Variants in TCF7L2 observed in about 807,000 individuals in gnomAD.
TCF7L2 encodes transcription factor 7 like 2, also known as transcription factor 7-like 2.
In TCF7L2, 23 loss-of-function variants were observed where a neutral mutation model predicts 77.9. That is an observed-to-expected ratio of 0.30 (90% confidence interval 0.21 to 0.42). The LOEUF (loss-of-function observed/expected upper bound fraction) is 0.42. Ranked by LOEUF, TCF7L2 falls within the 10% of genes least tolerant of loss-of-function variation. The probability of loss-of-function intolerance (pLI) is 1.00; values close to 1 mark genes in which losing one functional copy is unlikely to be tolerated. For missense variants in TCF7L2, 654 were observed against 793.1 expected (o/e 0.82, Z 2.11); for synonymous variants, 413 against 340.2 (o/e 1.21, Z -2.36).
At chr10:113,040,158 T>G (rs748095431) in intron 5 of TCF7L2, 32 bp downstream of exon 5, 43 of 1,587,796 alleles carry the variant, frequency 2.7e-5, no homozygotes, top group Non-Finnish European at 3.6e-5. Context: ...ATGGCTTCCT[T>G]TATTGAGGGG....
intron 4 of TCF7L2, among the ~76,000 whole-genome samples, chr10:112,999,421 C>A (rs1053643808): frequency 5.9e-5 from 9 of 152,192 alleles, no homozygotes; most frequent in African/African-American, 1.7e-4. Context: ...ACGAGTCCTT[C>A]TTATTATATA....
chr10:112,996,282 A>T (rs4506565), intron 4 of TCF7L2, among the ~76,000 whole-genome samples: 50,956 of 152,052 alleles, frequency 0.34, 9,206 homozygotes, highest in African/African-American at 0.45. Flanking sequence ...CCGAAGTGAT[A>T]TGGGGCCCTT....
chr10:113,146,000 C>G lies in TCF7L2; in HGVS notation c.789-11C>G. ...GTTTCAAGTCTCTTACTTTGTACCC[C>G]TTCTTTGTAGGCAAGGTCAACCAGT... On this transcript the variant is annotated splice_polypyrimidine_tract_variant and intron_variant, in intron 7 of 13. Coordinates refer to ENST00000627217, the MANE Select transcript of TCF7L2 (RefSeq NM_001146274.2). 4 of 1,592,592 alleles carry G rather than the reference C, an allele frequency of 2.5e-6. No individual in the cohort carries two copies. The highest frequency in any genetic ancestry group is 3.4e-6 in the Non-Finnish European group (4 of 1,164,708).
intron 5 of TCF7L2, among the ~76,000 whole-genome samples, chr10:113,049,480 G>A (rs1293373660): frequency 1.3e-5 from 2 of 151,988 alleles, no homozygotes; most frequent in African/African-American, 4.8e-5. Flanking sequence ...CAAAGCGTGT[G>A]TGGCATCCAC....
chr10:113,160,116 A>C, intron 12 of TCF7L2, 124 bp downstream of exon 14: 2 of 829,794 alleles, frequency 2.4e-6, no homozygotes, highest in Non-Finnish European at 3.9e-6. Context: ...GGGGAGTGGG[A>C]CACTGCCAAG....
At chr10:113,083,237 C>G (rs1410477255) in intron 5 of TCF7L2, among the ~76,000 whole-genome samples, 2 of 145,384 alleles carry the variant, frequency 1.4e-5, no homozygotes, top group Non-Finnish European at 3.0e-5. Flanking sequence ...CTCTAGGACA[C>G]TGCCCTCCAC....
At chr10:112,977,232 A>C (rs1337142206) in intron 4 of TCF7L2, among the ~76,000 whole-genome samples, 1 of 152,190 alleles carries the variant, frequency 6.6e-6, no homozygotes, top group Non-Finnish European at 1.5e-5. Context: ...GAAATCTTCC[A>C]AGGCTTGAAA....
rs529568065 is a variant in TCF7L2 at position 112,951,451 on chromosome 10, G to C, written c.257-32G>C. Reference sequence around the variant, plus strand: ...TCACTCTCTCCCGCTCCGCGCGGCCGCCGCTGTCCCCTCGCCGCCCCGCCA... The same window carrying C: ...TCACTCTCTCCCGCTCCGCGCGGCCCCCGCTGTCCCCTCGCCGCCCCGCCA... On this transcript the variant is annotated intron_variant, in intron 2 of 13. Coordinates refer to ENST00000627217, the MANE Select transcript of TCF7L2 (RefSeq NM_001146274.2). 4.6e-5 allele frequency: 63 copies of C among 1,384,014 alleles called. 1 individual carries two copies. The South Asian group carries it at 7.6e-4, about 17-fold the overall frequency. The allele number at this position is 1,384,014 out of a possible 1,614,324, so 85.7% of individuals were successfully genotyped here.
intron 5 of TCF7L2, among the ~76,000 whole-genome samples, chr10:113,080,994 C>G (rs991458326): frequency 6.6e-6 from 1 of 152,122 alleles, no homozygotes; most frequent in Non-Finnish European, 1.5e-5. Flanking sequence ...TTCCAGGAAC[C>G]TGTTATTTAC....
rs2137464646 is a variant in TCF7L2 at position 113,160,655 on chromosome 10, G to T, written c.1355G>T (p.Gly452Val). Residue 452 changes from glycine (G) to valine (V), a missense_variant, in exon 13 of 14, where the codon GGG (glycine) becomes GTG (valine). Around this residue, in one of 6 missense-constraint regions of TCF7L2, gnomAD observed 272 missense variants for 215.4 expected, o/e 1.26. Coordinates refer to ENST00000627217, the MANE Select transcript of TCF7L2 (RefSeq NM_001146274.2). ...CCAAAGAAGTGTCGGGCACTGTTCG[G>T]GCTTGACCGACAGACTTTATGGTGC... 6.3e-7 allele frequency: 1 copy of T among 1,597,444 alleles called. No individual in the cohort carries two copies. Among genetic ancestry groups the T allele is most frequent in the Non-Finnish European group, 8.5e-7 (1 of 1,171,656 alleles).
intron 5 of TCF7L2, among the ~76,000 whole-genome samples, chr10:113,059,321 C>T (rs1475787441): frequency 1.3e-5 from 2 of 151,926 alleles, no homozygotes; most frequent in African/African-American, 4.8e-5. Context: ...CAAGGCTGGA[C>T]CACTTGTTCA....
At chr10:113,059,386 C>T (rs896774171) in intron 5 of TCF7L2, among the ~76,000 whole-genome samples, 1 of 150,890 alleles carries the variant, frequency 6.6e-6, no homozygotes, top group African/African-American at 2.4e-5. Context: ...CATTGGTATT[C>T]AAAAATATTT....
At chr10:113,101,189 T>A (rs2061595899) in intron 5 of TCF7L2, among the ~76,000 whole-genome samples, 1 of 152,208 alleles carries the variant, frequency 6.6e-6, no homozygotes, top group Non-Finnish European at 1.5e-5. Flanking sequence ...CATTTTGTTA[T>A]TCCCTCTTTC....
At chr10:113,067,657 G>A (rs1243159249) in intron 5 of TCF7L2, among the ~76,000 whole-genome samples, 1 of 152,222 alleles carries the variant, frequency 6.6e-6, no homozygotes, top group Non-Finnish European at 1.5e-5. Context: ...AAGGCATAAA[G>A]GGGAAGGAGT....
intron 4 of TCF7L2, among the ~76,000 whole-genome samples, chr10:113,020,262 G>A (rs1382177424): frequency 6.6e-6 from 1 of 152,186 alleles, no homozygotes; most frequent in Non-Finnish European, 1.5e-5. Context: ...TTTGATTGAC[G>A]TGGGTAGGAA....
chr10:113,070,266 A>ATTTAT (rs953072031), intron 5 of TCF7L2, among the ~76,000 whole-genome samples: 31,703 of 95,252 alleles, frequency 0.33, 4,135 homozygotes, highest in East Asian at 0.52. Flanking sequence ...AAAAAAAAAA[A>ATTTAT]ATTTATATAT....
At chr10:113,121,736 A>G (rs1211812905) in intron 5 of TCF7L2, among the ~76,000 whole-genome samples, 18 of 151,202 alleles carry the variant, frequency 1.2e-4, no homozygotes, top group Non-Finnish European at 1.2e-4. Flanking sequence ...ACGCACACAT[A>G]CACACAACAC....
At chr10:112,961,810 T>G (rs779333615) in intron 3 of TCF7L2, among the ~76,000 whole-genome samples, 2 of 96,678 alleles carry the variant, frequency 2.1e-5, no homozygotes, top group Non-Finnish European at 4.0e-5. Context: ...GCTGGGCACG[T>G]GAGGGAAGTT....
chr10:113,145,115 T>G (rs914663086), intron 7 of TCF7L2, among the ~76,000 whole-genome samples: 6 of 41,034 alleles, frequency 1.5e-4, no homozygotes, highest in African/African-American at 3.4e-4. Flanking sequence ...TTCTATGCTG[T>G]TTTTTTTTTT....
Sources: allele counts gnomAD v4.1 joint callset (sites outside exome capture counted in the v4.1 genomes callset), GRCh38; gene constraint gnomAD v4.1.1; regional missense constraint gnomAD v4.1.1; transcripts MANE v1.5; gene names NCBI Gene and HGNC (gene_info 2026-07-23, HGNC 2026-07-21).